ADAMTS6: variants seen among roughly 807,000 people sequenced by gnomAD.
ADAMTS6 encodes ADAM metallopeptidase with thrombospondin type 1 motif 6.
In ADAMTS6, 23 loss-of-function variants were observed where a neutral mutation model predicts 144.3. That is an observed-to-expected ratio of 0.16 (90% confidence interval 0.11 to 0.23). The LOEUF is 0.23. ADAMTS6 is among the 10% of genes least tolerant of loss of function. The pLI, the probability that ADAMTS6 is intolerant of heterozygous loss-of-function variation, is 1.00. For missense variants in ADAMTS6, 999 were observed against 1,379.6 expected (o/e 0.72, Z 4.37); for synonymous variants, 444 against 457.5 (o/e 0.97, Z 0.38).
At chr5:65,190,753 AC>A (rs1754968686) in intron 21 of ADAMTS6, among the ~76,000 whole-genome samples, 2 of 151,924 alleles carry the variant, frequency 1.3e-5, no homozygotes, top group South Asian at 4.2e-4. Flanking sequence ...AGTATTAATC[AC>A]CCTCCCAATT....
At chr5:65,330,929 T>TTTAA (rs1204360553) in intron 8 of ADAMTS6, among the ~76,000 whole-genome samples, 1 of 152,082 alleles carries the variant, frequency 6.6e-6, no homozygotes, top group Non-Finnish European at 1.5e-5. Flanking sequence ...TTGGTTAATA[T>TTTAA]TTAATATTTG....
At chr5:65,156,369 C>CA (rs1017112857) in intron 24 of ADAMTS6, among the ~76,000 whole-genome samples, 3 of 150,374 alleles carry the variant, frequency 2.0e-5, no homozygotes, top group East Asian at 2.0e-4. Context: ...CAAAAAACAC[C>CA]AAAAAAAAAC....
chr5:65,468,436 CAAAAAAA>C (rs60362335), intron 3 of ADAMTS6, among the ~76,000 whole-genome samples: 5 of 70,366 alleles, frequency 7.1e-5, no homozygotes, highest in African/African-American at 2.1e-4. Context: ...GACCCTGTCT[CAAAAAAA>C]AAAAAAAAAA....
intron 7 of ADAMTS6, among the ~76,000 whole-genome samples, chr5:65,340,678 T>C (rs1269615378): frequency 6.6e-6 from 1 of 151,454 alleles, no homozygotes. Context: ...GCTAAATAGA[T>C]TTAAAAAAAA....
chr5:65,286,993 AGAAACATTTCTTGGACATACT>A (rs935178851), intron 11 of ADAMTS6, among the ~76,000 whole-genome samples: 4 of 152,234 alleles, frequency 2.6e-5, no homozygotes, highest in African/African-American at 4.8e-5. Flanking sequence ...AAAAAGCCAA[AGAAACATTTCTTGGACATACT>A]GATACTGCTG....
intron 7 of ADAMTS6, chr5:65,415,543 G>T: frequency 5.9e-6 from 2 of 341,350 alleles, no homozygotes; most frequent in Admixed American, 3.1e-5. Flanking sequence ...ACCAATCTGG[G>T]CCAGCTAGTC....
intron 7 of ADAMTS6, among the ~76,000 whole-genome samples, chr5:65,430,180 C>T (rs760945513): frequency 2.1e-5 from 3 of 145,250 alleles, no homozygotes; most frequent in Non-Finnish European, 4.5e-5. Flanking sequence ...AAAAAAAAGA[C>T]GGAAAATCAA....
chr5:65,367,716 A>G (rs72760559), intron 7 of ADAMTS6, among the ~76,000 whole-genome samples: 8,229 of 152,130 alleles, frequency 0.054, 277 homozygotes, highest in East Asian at 0.11. Context: ...CTTTTGTCCA[A>G]TCTTGCTTCC....
intron 7 of ADAMTS6, among the ~76,000 whole-genome samples, chr5:65,404,627 G>A (rs977009237): frequency 2.6e-5 from 4 of 152,242 alleles, no homozygotes; most frequent in Admixed American, 1.3e-4. Flanking sequence ...TGTCTTTATA[G>A]CAGCATGATT....
intron 13 of ADAMTS6, among the ~76,000 whole-genome samples, chr5:65,262,394 G>A (rs1034261021): frequency 6.6e-6 from 1 of 152,154 alleles, no homozygotes; most frequent in African/African-American, 2.4e-5. Flanking sequence ...CCCTTGAAGT[G>A]CTCTCATTGG....
chr5:65,315,895 T>C (rs112641569), intron 9 of ADAMTS6, among the ~76,000 whole-genome samples: 6 of 150,944 alleles, frequency 4.0e-5, no homozygotes, highest in African/African-American at 1.4e-4. Context: ...ACAAATCCAC[T>C]ATTATAGTTA....
intron 21 of ADAMTS6, among the ~76,000 whole-genome samples, chr5:65,195,918 C>T (rs902944869): frequency 2.0e-5 from 3 of 152,204 alleles, no homozygotes; most frequent in South Asian, 2.1e-4. Flanking sequence ...TTACTTTTGT[C>T]GTGATCAACT....
intron 12 of ADAMTS6, among the ~76,000 whole-genome samples, chr5:65,272,686 G>A (rs1762142722): frequency 6.6e-6 from 1 of 152,086 alleles, no homozygotes; most frequent in East Asian, 1.9e-4. Context: ...TTGGGAGGCT[G>A]AGGTGGGCAG....
intron 7 of ADAMTS6, among the ~76,000 whole-genome samples, chr5:65,398,824 GAAAGAAAGAAAGAAAGAAAGAAAGAA>G (rs1428849201): frequency 7.4e-4 from 107 of 145,558 alleles, no homozygotes; most frequent in African/African-American, 2.7e-3. Context: ...AAGAAAGAAA[GAAAGAAAGAAAGAAAGAAAGAAAGAA>G]AAAGAAAGAG....
At chr5:65,171,355 G>A (rs1753617643) in intron 23 of ADAMTS6, among the ~76,000 whole-genome samples, 1 of 152,102 alleles carries the variant, frequency 6.6e-6, no homozygotes, top group Non-Finnish European at 1.5e-5. Flanking sequence ...TTTGAGAGGT[G>A]TATGATTAGG....
chr5:65,285,154 A>G (rs551720375), intron 11 of ADAMTS6, among the ~76,000 whole-genome samples: 1 of 152,270 alleles, frequency 6.6e-6, no homozygotes, highest in East Asian at 1.9e-4. Flanking sequence ...CTAAGACATA[A>G]TATGCCTTAG....
intron 24 of ADAMTS6, among the ~76,000 whole-genome samples, chr5:65,155,260 G>A (rs1371246194): frequency 1.3e-5 from 2 of 152,028 alleles, no homozygotes; most frequent in African/African-American, 2.4e-5. Context: ...ATCCTTTTAA[G>A]TTCAGTCATG....
chr5:65,153,794 C>CT (rs1196515841), intron 24 of ADAMTS6, among the ~76,000 whole-genome samples: 3 of 152,174 alleles, frequency 2.0e-5, no homozygotes, highest in Non-Finnish European at 4.4e-5. Flanking sequence ...CAAGAAAACT[C>CT]TGAGTTGAGC....
chr5:65,251,294 G>A (rs7713380), intron 14 of ADAMTS6: 25,592 of 152,038 alleles, frequency 0.17, 2,642 homozygotes, highest in African/African-American at 0.29. Context: ...ATCTCTATGT[G>A]CAAAAACGAG....
Sources: allele counts gnomAD v4.1 joint callset (sites outside exome capture counted in the v4.1 genomes callset), GRCh38; gene constraint gnomAD v4.1.1; transcripts MANE v1.5; gene names NCBI Gene and HGNC (gene_info 2026-07-23, HGNC 2026-07-21).